Variants in POU6F2 observed in about 807,000 individuals in gnomAD.
The protein encoded by POU6F2 is POU class 6 homeobox 2.
A neutral mutation model predicts 71.3 loss-of-function variants in POU6F2; 31 were observed. That is an observed-to-expected ratio of 0.43 (90% CI 0.33 to 0.59). POU6F2 has a LOEUF of 0.59. POU6F2 is among the 20% of genes least tolerant of loss of function. The pLI is 0.04. For missense variants in POU6F2, 783 were observed against 856.8 expected, an observed-to-expected ratio of 0.91 and a Z score of 1.07; for synonymous variants, 347 against 355.7, an observed-to-expected ratio of 0.98 and a Z score of 0.27.
intron 1 of POU6F2, among the ~76,000 whole-genome samples, chr7:38,979,171 A>G (rs1242749270): frequency 2.0e-5 from 3 of 149,470 alleles, no homozygotes; most frequent in African/African-American, 7.4e-5. Context: ...CATAAACCAG[A>G]CTATGGTCAC....
chr7:38,981,574 A>T (rs927279378), intron 1 of POU6F2, among the ~76,000 whole-genome samples: 2 of 152,214 alleles, frequency 1.3e-5, no homozygotes, highest in Non-Finnish European at 1.5e-5. Flanking sequence ...AAGTATATCT[A>T]AGAGTTTGCT....
intron 4 of POU6F2, among the ~76,000 whole-genome samples, chr7:39,209,314 T>G (rs964319395): frequency 6.6e-6 from 1 of 152,108 alleles, no homozygotes; most frequent in African/African-American, 2.4e-5. Flanking sequence ...GAAACAAAAG[T>G]TCTTGCTTTT....
At chr7:39,327,278 C>CAA (rs35085212) in intron 4 of POU6F2, among the ~76,000 whole-genome samples, 20,797 of 121,852 alleles carry the variant, frequency 0.17, 1,521 homozygotes, top group Admixed American at 0.24. Context: ...GACTCTGTCT[C>CAA]AAAAAAAAAA....
chr7:39,393,717 A>C (rs1198724884), intron 5 of POU6F2, among the ~76,000 whole-genome samples: 1 of 152,180 alleles, frequency 6.6e-6, no homozygotes, highest in African/African-American at 2.4e-5. Context: ...TTCCTTCTAC[A>C]ACAGCTGTTC....
At chr7:39,377,143 T>A (rs969356062) in intron 5 of POU6F2, among the ~76,000 whole-genome samples, 9 of 149,862 alleles carry the variant, frequency 6.0e-5, no homozygotes, top group African/African-American at 9.7e-5. Context: ...ATATATATAT[T>A]TTTTTGAGAT....
At chr7:39,073,821 C>T (rs554449647) in intron 1 of POU6F2, among the ~76,000 whole-genome samples, 1 of 152,334 alleles carries the variant, frequency 6.6e-6, no homozygotes, top group African/African-American at 2.4e-5. Context: ...GGAAGGAAAA[C>T]ACTTATTGGT....
intron 2 of POU6F2, among the ~76,000 whole-genome samples, chr7:39,190,656 T>TC: frequency 7.1e-6 from 1 of 139,960 alleles, no homozygotes; most frequent in Non-Finnish European, 1.5e-5. Flanking sequence ...TTTTTTTTTT[T>TC]TGATGGAGTC....
intron 4 of POU6F2, among the ~76,000 whole-genome samples, chr7:39,309,315 G>A (rs1785112354): frequency 6.6e-6 from 1 of 152,222 alleles, no homozygotes; most frequent in South Asian, 2.1e-4. Flanking sequence ...GTAGACTGAG[G>A]TGGATGGAAA....
chr7:39,164,429 T>C (rs1793069394), intron 2 of POU6F2, among the ~76,000 whole-genome samples: 1 of 114,906 alleles, frequency 8.7e-6, no homozygotes, highest in African/African-American at 3.2e-5. Context: ...CATCCCAGAG[T>C]TCCACCTACT....
chr7:39,278,649 GACAGCTGAGAAGTCCTTGGAT>G (rs1784505148), intron 4 of POU6F2, among the ~76,000 whole-genome samples: 1 of 152,012 alleles, frequency 6.6e-6, no homozygotes, highest in Non-Finnish European at 1.5e-5. Context: ...TCTCCTTTCT[GACAGCTGAGAAGTCCTTGGAT>G]TTCTCACCTC....
intron 2 of POU6F2, among the ~76,000 whole-genome samples, chr7:39,152,283 G>A (rs1417684706): frequency 6.6e-6 from 1 of 152,118 alleles, no homozygotes; most frequent in Non-Finnish European, 1.5e-5. Context: ...GCTGTGGGTG[G>A]ATAAGTGACC....
At chr7:39,091,994 A>T (rs189353466) in intron 2 of POU6F2, among the ~76,000 whole-genome samples, 2 of 152,330 alleles carry the variant, frequency 1.3e-5, no homozygotes, top group East Asian at 3.9e-4. Context: ...GAAGGGTAGA[A>T]GGTTCAGTTC....
chr7:39,001,608 A>G (rs1788908085), intron 1 of POU6F2, among the ~76,000 whole-genome samples: 1 of 152,212 alleles, frequency 6.6e-6, no homozygotes, highest in Admixed American at 6.5e-5. Flanking sequence ...TAAAGGTTGC[A>G]TGGTCAACCT....
intron 4 of POU6F2, among the ~76,000 whole-genome samples, chr7:39,310,785 G>A (rs769466609): frequency 7.2e-5 from 11 of 152,222 alleles, no homozygotes; most frequent in Non-Finnish European, 1.3e-4. Flanking sequence ...GGGAGGCTGC[G>A]ACCCAGCGGC....
At chr7:39,149,380 T>C (rs1792695373) in intron 2 of POU6F2, among the ~76,000 whole-genome samples, 1 of 152,224 alleles carries the variant, frequency 6.6e-6, no homozygotes, top group African/African-American at 2.4e-5. Flanking sequence ...TTTTTATTTA[T>C]TTGTTAATTT....
At chr7:39,312,246 C>T (rs1190553097) in intron 4 of POU6F2, among the ~76,000 whole-genome samples, 1 of 152,074 alleles carries the variant, frequency 6.6e-6, no homozygotes, top group African/African-American at 2.4e-5. Context: ...AAAATAAGTT[C>T]TGGGAAAAAT....
chr7:39,010,860 C>G (rs1789259082), intron 1 of POU6F2, among the ~76,000 whole-genome samples: 1 of 151,474 alleles, frequency 6.6e-6, no homozygotes, highest in Non-Finnish European at 1.5e-5. Context: ...ATCCTGAGTG[C>G]TAGTTTGATT....
intron 1 of POU6F2, among the ~76,000 whole-genome samples, chr7:39,046,356 T>A (rs1174343927): frequency 2.0e-5 from 3 of 151,944 alleles, no homozygotes; most frequent in African/African-American, 4.8e-5. Context: ...AAGCACTTTG[T>A]CGGAAATCTG....
At chr7:39,030,880 TTTATTGTTTTTA>T (rs1789926632) in intron 1 of POU6F2, among the ~76,000 whole-genome samples, 1 of 151,716 alleles carries the variant, frequency 6.6e-6, no homozygotes, top group Non-Finnish European at 1.5e-5. Context: ...TGAACTAAAC[TTTATTGTTTTTA>T]AAATATTTAT....
Sources: gnomAD v4.1 joint callset for allele counts (sites outside exome capture counted in the v4.1 genomes callset) on GRCh38, gnomAD v4.1.1 for gene constraint, MANE v1.5 for transcripts, NCBI Gene and HGNC (gene_info 2026-07-23, HGNC 2026-07-21) for gene names.